The following GTF3C1 variants were observed in gnomAD, a reference collection of about 807,000 sequenced individuals.
GTF3C1 encodes the protein general transcription factor IIIC subunit 1, also known as general transcription factor 3C polypeptide 1.
A neutral mutation model predicts 226.7 loss-of-function variants in GTF3C1; 57 were observed. The observed-to-expected ratio is 0.25, with a 90% CI of 0.20 to 0.31. GTF3C1 has a LOEUF of 0.31. Ranked by LOEUF, GTF3C1 falls within the 10% of genes least tolerant of loss-of-function variation. GTF3C1 has a pLI of 1.00. For missense variants in GTF3C1, 2,217 were observed against 2,776.1 expected (o/e 0.80, Z 4.53); for synonymous variants, 1,090 against 1,084.8 (o/e 1.00, Z -0.09).
Position 27,464,750 on chromosome 16 carries a change from C to A in GTF3C1, c.5442G>T (p.Leu1814=). The A allele has an allele frequency of 1.9e-6, 3 of 1,590,608 alleles. No individual in the cohort carries two copies. Among genetic ancestry groups the A allele is most frequent in the Non-Finnish European group, 2.5e-6 (3 of 1,176,476 alleles). The part of the protein sequence containing the change: ...VAMGSAWPWL[L]HSVRLKDRED... ...CTCTGTCTTTCAGCCGCACGGAGTG[C>A]AGGAGCCAAGGCCAGGCAGAGCCCA... Residue 1814 remains leucine (L), a synonymous_variant, in exon 34 of 37, where the codon CTG becomes CTT. Transcript: ENST00000356183.
rs192150794 is a variant in GTF3C1, at chr16:27,481,440, G to A, written c.4084-249C>T. Among the ~76,000 whole-genome samples, 7 of 152,092 alleles carry A rather than the reference G, an allele frequency of 4.6e-5. No individual in the cohort carries two copies. In the East Asian group the frequency reaches 5.8e-4, roughly 13 times the overall value. ...GGTACCTGGTGCCAACTAACCCACC[G>A]ACAGCCTCACCCTGCATCGCTGGCA... On this transcript the variant is annotated intron_variant, in intron 26 of 36. Transcript: ENST00000356183.
At chr16:27,500,879 T>G (rs2088395257) in intron 12 of GTF3C1, among the ~76,000 whole-genome samples, 1 of 152,254 alleles carries the variant, frequency 6.6e-6, no homozygotes, top group Admixed American at 6.5e-5. Context: ...CCCACCTAAA[T>G]GTTATTTCAT....
intron 6 of GTF3C1, among the ~76,000 whole-genome samples, chr16:27,518,164 T>A (rs1432163128): frequency 6.6e-6 from 1 of 151,930 alleles, no homozygotes; most frequent in Non-Finnish European, 1.5e-5. Context: ...AATTCAGTGT[T>A]ACCTCCCCAC....
chr16:27,530,423 G>T (rs1286980411), intron 5 of GTF3C1, among the ~76,000 whole-genome samples: 1 of 152,132 alleles, frequency 6.6e-6, no homozygotes, highest in African/African-American at 2.4e-5. Context: ...ATGTAGTCTT[G>T]CCTTCTGAGG....
At chr16:27,514,585 T>C (rs1259543001) in intron 6 of GTF3C1, among the ~76,000 whole-genome samples, 1 of 151,992 alleles carries the variant, frequency 6.6e-6, no homozygotes, top group Non-Finnish European at 1.5e-5. Flanking sequence ...CATCCTACCA[T>C]GCTGCTCACA....
intron 5 of GTF3C1, among the ~76,000 whole-genome samples, chr16:27,533,026 G>T (rs1162192896): frequency 6.6e-6 from 1 of 152,148 alleles, no homozygotes; most frequent in Non-Finnish European, 1.5e-5. Flanking sequence ...CAGCTACTCG[G>T]GAGGCTGAGG....
intron 23 of GTF3C1, among the ~76,000 whole-genome samples, chr16:27,487,698 C>A (rs2141373189): frequency 6.6e-6 from 1 of 152,304 alleles, no homozygotes; most frequent in African/African-American, 2.4e-5. Flanking sequence ...GAGGCTGAGG[C>A]AGGAGAATTG....
chr16:27,464,571 T>C lies in GTF3C1; in HGVS notation c.5621A>G (p.Asp1874Gly), dbSNP rs2087754767. 2 of 1,490,878 alleles carry C rather than the reference T, an allele frequency of 1.3e-6. No individual in the cohort carries two copies. The allele number at this position is 1,490,878 out of a possible 1,614,324, so 92.4% of individuals were successfully genotyped here. A position where few individuals can be genotyped will look rare whatever the true frequency, so the allele number is the denominator to read the frequency against. The change falls in exon 34 of 37, where the codon GAC becomes GGC. Residue 1874 changes from aspartate (D) to glycine (G), a missense_variant. Around this residue, in one of 12 missense-constraint regions of GTF3C1, gnomAD observed 455 missense variants for 441.9 expected, o/e 1.03. Transcript: ENST00000356183. ...AGGGGTCATCTGGGTGCCCTCGGCG[T>C]CGGTCTCCCCATTCTCACTGGCCCA... ...ASWASENGET[D>G]AEGTQMTPAK...
In GTF3C1 at chr16:27,463,455, C is replaced by A; in HGVS notation, c.5924+86G>T. On this transcript the variant is annotated intron_variant, in intron 35 of 36. Coordinates refer to ENST00000356183, the MANE Select transcript of GTF3C1 (RefSeq NM_001520.4). This position sits in a 1 kb window ranked among gnomAD's most constrained non-coding sequence, Gnocchi z 4.9. ...GTCAGAGCTGGTACCTGGGGAAAGA[C>A]CCTCAAAGACCCTCACACAAATCCT... 1.3e-6 allele frequency: 1 copy of A among 792,888 alleles called. No individual in the cohort carries two copies. The highest frequency in any genetic ancestry group is 2.2e-6 in the Non-Finnish European group (1 of 453,724). The allele number at this position is 792,888 out of a possible 1,614,324, so 49.1% of individuals were successfully genotyped here. A position where few individuals can be genotyped will look rare whatever the true frequency, so the allele number is the denominator to read the frequency against.
chr16:27,496,843 C>T (rs1051584730), intron 14 of GTF3C1, among the ~76,000 whole-genome samples: 2 of 152,216 alleles, frequency 1.3e-5, no homozygotes, highest in South Asian at 2.1e-4. Flanking sequence ...AAGGCCCACC[C>T]GAGGAACACC....
rs1470680294 is a variant in GTF3C1 at position 27,470,778 on chromosome 16, A to AC, written c.4527-384dup. On this transcript the variant is annotated intron_variant, in intron 30 of 36. Coordinates refer to ENST00000356183, the MANE Select transcript of GTF3C1 (RefSeq NM_001520.4). This position sits in a 1 kb window ranked among gnomAD's most constrained non-coding sequence, Gnocchi z 4.9. The stretch of plus-strand genomic sequence containing the variant: ...CGCACAAAGCCAGCCCTGGTCTTAC[A>AC]CATGTGCCCAAGCTGTCTCCACGCA... The AC allele has an allele frequency of 2.2e-5, 5 of 223,296 alleles. No homozygotes were observed. Among genetic ancestry groups the AC allele is most frequent in the Non-Finnish European group, 9.0e-6 (1 of 111,684 alleles). The allele number at this position is 223,296 out of a possible 1,614,324, so 13.8% of individuals were successfully genotyped here.
intron 16 of GTF3C1, among the ~76,000 whole-genome samples, chr16:27,494,412 A>C (rs1479038639): frequency 6.8e-5 from 10 of 146,492 alleles, no homozygotes; most frequent in Non-Finnish European, 1.4e-4. Context: ...TAAAAAAAAA[A>C]CAAAAAAAAA....
chr16:27,506,578 C>T (rs2141402864), intron 9 of GTF3C1, among the ~76,000 whole-genome samples: 1 of 152,276 alleles, frequency 6.6e-6, no homozygotes, highest in East Asian at 1.9e-4. Context: ...AGGGAAGGGG[C>T]AGAGGAAGCT....
chr16:27,534,130 C>T (rs994773373), intron 4 of GTF3C1, among the ~76,000 whole-genome samples: 5 of 152,236 alleles, frequency 3.3e-5, no homozygotes, highest in African/African-American at 1.2e-4. Flanking sequence ...AACCAGTCCT[C>T]TCCTCACTCA....
chr16:27,483,213 T>C (rs375602921), intron 25 of GTF3C1, 88 bp from the exon 26 acceptor site: 4 of 1,282,690 alleles, frequency 3.1e-6, no homozygotes, highest in East Asian at 2.4e-5. Context: ...CTCATGTTTC[T>C]GGCCTTGGCC....
chr16:27,471,786 G>C lies in GTF3C1; in HGVS notation c.4488C>G (p.Phe1496Leu). Residue 1496 changes from phenylalanine to leucine, a missense_variant, in exon 30 of 37, where the codon TTC (phenylalanine) becomes TTG (leucine). Transcript: ENST00000356183. This position sits in a 1 kb window ranked among gnomAD's most constrained non-coding sequence, Gnocchi z 5.0. ...GGGATAGCTGGTAGGACATTGGCAC[G>C]AAGGGGAGGGCCCGGTTCTTCTTGG... ...LGPKKNRALPFVPMSYQLSQT... is the reference protein window; with the variant it reads ...LGPKKNRALPLVPMSYQLSQT... 1 of 1,614,130 alleles carries C rather than the reference G, an allele frequency of 6.2e-7. No individual in the cohort carries two copies. The highest frequency in any genetic ancestry group is 8.5e-7 in the Non-Finnish European group (1 of 1,179,970).
At position 27,461,294 on chromosome 16, in the gene GTF3C1, A is replaced by G; in HGVS notation, c.*56T>C. On this transcript the variant is annotated 3_prime_UTR_variant, in exon 37 of 37. Transcript: ENST00000356183. The surrounding 1 kb of genome is among the most constrained non-coding windows in gnomAD (Gnocchi z 5.3). ...GGCACAGTGGGGTCTGCCGAGCACC[A>G]GGCAGGAGTGGTGTGGCAGGCGGTG... 8.6e-7 allele frequency: 1 copy of G among 1,159,384 alleles called. No homozygotes were observed. Among genetic ancestry groups the G allele is most frequent in the Non-Finnish European group, 1.3e-6 (1 of 788,360 alleles). The allele number at this position is 1,159,384 out of a possible 1,614,324, so 71.8% of individuals were successfully genotyped here. A position where few individuals can be genotyped will look rare whatever the true frequency, so the allele number is the denominator to read the frequency against.
chr16:27,543,387 A>AAAAT (rs963845669), intron 2 of GTF3C1, among the ~76,000 whole-genome samples: 8 of 152,106 alleles, frequency 5.3e-5, no homozygotes, highest in Non-Finnish European at 1.2e-4. Flanking sequence ...CTCTGTCTCA[A>AAAAT]AAATAAATAA....
At chr16:27,521,279 C>T (rs937929232) in intron 6 of GTF3C1, among the ~76,000 whole-genome samples, 1 of 152,256 alleles carries the variant, frequency 6.6e-6, no homozygotes, top group Non-Finnish European at 1.5e-5. Flanking sequence ...GGGAGCATTC[C>T]CTTCTCAGCC....
Sources: gnomAD v4.1 joint callset for allele counts (sites outside exome capture counted in the v4.1 genomes callset) on GRCh38, gnomAD v4.1.1 for gene constraint, gnomAD v4.1.1 regional missense constraint, Gnocchi (gnomAD v3.1) non-coding constraint, MANE v1.5 for transcripts, NCBI Gene and HGNC (gene_info 2026-07-23, HGNC 2026-07-21) for gene names.